DNAH1: variants seen among roughly 807,000 people sequenced by gnomAD.
The protein encoded by DNAH1 is axonemal beta dynein heavy chain 1.
A neutral mutation model predicts 484.3 loss-of-function variants in DNAH1; 327 were observed. The ratio of observed to expected loss-of-function variants is 0.68; its 90% confidence interval spans 0.62 to 0.74. The LOEUF is 0.74. Ranked by LOEUF, DNAH1 falls within the 30% of genes least tolerant of loss-of-function variation. The probability of loss-of-function intolerance (pLI) is 0.00; values close to 1 mark genes in which losing one functional copy is unlikely to be tolerated. For missense variants in DNAH1, 5,052 were observed against 5,546.8 expected, an observed-to-expected ratio of 0.91 and a Z score of 2.83; for synonymous variants, 2,192 against 2,191.9, an observed-to-expected ratio of 1.00 and a Z score of 0.00.
intron 32 of DNAH1, among the ~76,000 whole-genome samples, chr3:52,363,657 T>G (rs1262683357): frequency 6.6e-6 from 1 of 152,172 alleles, no homozygotes; most frequent in Non-Finnish European, 1.5e-5. Context: ...GCCCCCACTT[T>G]GCAGCAGCAG....
rs754187971 is a variant in DNAH1, at chr3:52,378,708, C to T, written c.7305C>T (p.His2435=). 1.2e-6 allele frequency: 2 copies of T among 1,613,882 alleles called. No homozygotes were observed. The highest frequency in any genetic ancestry group is 1.1e-5 in the South Asian group (1 of 91,082). ...SQLLPTPAKS[H]YTFNLRDLSK... Reference sequence around the variant, plus strand: ...TGCTGCCCACTCCAGCCAAGTCCCACTACACCTTCAACCTGAGGGACCTCT... The same window carrying T: ...TGCTGCCCACTCCAGCCAAGTCCCATTACACCTTCAACCTGAGGGACCTCT... Residue 2435 remains histidine (H), a synonymous_variant, in exon 47 of 78, where the codon CAC becomes CAT. Coordinates refer to ENST00000420323, the MANE Select transcript of DNAH1 (RefSeq NM_015512.5).
At chr3:52,386,400 CT>C in intron 55 of DNAH1, 55 bp downstream of exon 55, 1 of 1,495,960 alleles carries the variant, frequency 6.7e-7, no homozygotes, top group Non-Finnish European at 9.0e-7. Context: ...GTCCTCAAGC[CT>C]TCCCTCTGCA....
intron 15 of DNAH1, 133 bp from the exon 16 acceptor site, chr3:52,350,375 C>T: frequency 1.0e-6 from 1 of 981,452 alleles, no homozygotes; most frequent in South Asian, 1.5e-5. Context: ...CCTGGGCCTC[C>T]TCCCCTGGCC....
intron 8 of DNAH1, among the ~76,000 whole-genome samples, chr3:52,340,741 A>G (rs1478913446): frequency 6.6e-6 from 1 of 152,140 alleles, no homozygotes; most frequent in Non-Finnish European, 1.5e-5. Flanking sequence ...GGCCTCTGGT[A>G]GGATTTTAGA....
chr3:52,386,092 C>T (rs1578188453), intron 54 of DNAH1, 68 bp from the exon 55 acceptor site: 2 of 1,509,364 alleles, frequency 1.3e-6, no homozygotes, highest in East Asian at 4.8e-5. Flanking sequence ...ACTCTCCTTC[C>T]ATCTGGGGAG....
chr3:52,372,800 G>C, intron 43 of DNAH1, 96 bp from the exon 44 acceptor site: 1 of 1,493,734 alleles, frequency 6.7e-7, no homozygotes, highest in African/African-American at 1.4e-5. Flanking sequence ...AATTTAGCAA[G>C]GGCTTCCCAG....
chr3:52,395,351 C>T lies in DNAH1; in HGVS notation c.11012C>T (p.Thr3671Ile). The change falls in exon 69 of 78, where the codon ACA becomes ATA. Residue 3671 changes from threonine (T) to isoleucine (I), a missense_variant. Thr to Ile is a moderately conservative substitution (Grantham distance 89). This residue lies in a region of DNAH1 where 853 missense variants were observed against 899.0 expected (regional missense o/e 0.95). Transcript: ENST00000420323. This position sits in a 1 kb window ranked among gnomAD's most constrained non-coding sequence, Gnocchi z 4.4. ...GTGTTCAAAGACTCCAACTCCACCA[C>T]ACCCCTCATCTTTGTGCTGTCACCC... ...SVVFKDSNST[T>I]PLIFVLSPGT... 2 of 1,613,828 alleles carry T rather than the reference C, an allele frequency of 1.2e-6. No individual in the cohort carries two copies. Among genetic ancestry groups the T allele is most frequent in the Admixed American group, 1.7e-5 (1 of 60,000 alleles).
In DNAH1 at chr3:52,398,838, C is replaced by G. The variant is rs143138949; in HGVS notation, c.12090-12C>G. 3 of 1,517,884 alleles carry G rather than the reference C, an allele frequency of 2.0e-6. No individual in the cohort carries two copies. Among genetic ancestry groups the G allele is most frequent in the East Asian group, 2.3e-5 (1 of 43,260 alleles). The allele number at this position is 1,517,884 out of a possible 1,614,324, so 94.0% of individuals were successfully genotyped here. ...CAGCCCACTACCTATTCTCTTGCCA[C>G]TGGCCTCACAGGTACAATCGGCTGC... On this transcript the variant is annotated splice_polypyrimidine_tract_variant and intron_variant, in intron 75 of 77. Transcript: ENST00000420323.
chr3:52,383,657 C>T (rs1703963377), intron 51 of DNAH1, 63 bp downstream of exon 51: 10 of 1,471,378 alleles, frequency 6.8e-6, no homozygotes, highest in Non-Finnish European at 9.0e-6. Context: ...ATGGGCTGGC[C>T]CCGGGGACAC....
Position 52,370,125 on chromosome 3 carries a change from G to A in DNAH1, c.6154G>A (p.Val2052Ile), listed in dbSNP as rs745938182. The A allele has an allele frequency of 2.2e-5, 36 of 1,613,850 alleles. No individual in the cohort carries two copies. In the East Asian group the frequency reaches 4.5e-4, roughly 20 times the overall value. ...CTCCCTGCAGGAATCCATCTCCTTC[G>A]TTCGGTCCTCAGTGAAGGAGGTGAT... Reference protein sequence around the residue: ...VSFLEESISFVRSSVKEVIAS... With the variant: ...VSFLEESISFIRSSVKEVIAS... The change falls in exon 39 of 78, where the codon GTT becomes ATT. Residue 2052 changes from valine (V) to isoleucine (I), a missense_variant. This residue lies in a region of DNAH1 where 2,929 missense variants were observed against 3,409.4 expected (regional missense o/e 0.86). Coordinates refer to ENST00000420323, the MANE Select transcript of DNAH1 (RefSeq NM_015512.5).
At chr3:52,384,561 T>C (rs972844548) in intron 52 of DNAH1, among the ~76,000 whole-genome samples, 2 of 152,212 alleles carry the variant, frequency 1.3e-5, no homozygotes, top group African/African-American at 4.8e-5. Context: ...TTGACAGCTA[T>C]GTGAACTTGA....
rs1236172858 is a variant in DNAH1 at position 52,361,825 on chromosome 3, G to GCTCC, written c.4980+61_4980+64dup. 1 of 1,511,498 alleles carries GCTCC rather than the reference G, an allele frequency of 6.6e-7. No individual in the cohort carries two copies. The highest frequency in any genetic ancestry group is 2.5e-5 in the East Asian group (1 of 40,600). The allele number at this position is 1,511,498 out of a possible 1,614,324, so 93.6% of individuals were successfully genotyped here. On this transcript the variant is annotated intron_variant, in intron 30 of 77. Coordinates refer to ENST00000420323, the MANE Select transcript of DNAH1 (RefSeq NM_015512.5). The surrounding 1 kb of genome is among the most constrained non-coding windows in gnomAD (Gnocchi z 5.6). ...TCTGCCATACTCACGCCGCCATACT[G>GCTCC]CTCCCCATTGCAGGCTGAGAAGCCA...
At chr3:52,376,807 T>C (rs1017096075) in intron 46 of DNAH1, among the ~76,000 whole-genome samples, 1 of 151,838 alleles carries the variant, frequency 6.6e-6, no homozygotes, top group Admixed American at 6.6e-5. Context: ...CCTCCCACTT[T>C]CCTGTGAATG....
rs1380897896 is a variant in DNAH1 at position 52,388,400 on chromosome 3, G to A, written c.9172-18G>A. On this transcript the variant is annotated intron_variant, in intron 57 of 77. Transcript: ENST00000420323. ...CGGGGGTACTTGGCGAGCTAATCCT[G>A]CGCCCTCCGCCCCACAGCAAGCCCT... is the stretch of plus-strand genomic sequence containing the variant. The A allele has an allele frequency of 6.2e-7, 1 of 1,606,330 alleles. No homozygotes were observed. Among genetic ancestry groups the A allele is most frequent in the East Asian group, 2.2e-5 (1 of 44,570 alleles).
rs1546737 is a variant in DNAH1 at position 52,373,025 on chromosome 3, C to T, written c.6957C>T (p.His2319=). Residue 2319 remains histidine, a synonymous_variant, in exon 44 of 78, where the codon CAC becomes CAT. Coordinates refer to ENST00000420323, the MANE Select transcript of DNAH1 (RefSeq NM_015512.5). ...AGCTGTTGCGCCAGTGGATGGACCACGGCGGCTGGTACGACCGCAAGATCA... is the reference window on the plus strand; with the variant it reads ...AGCTGTTGCGCCAGTGGATGGACCATGGCGGCTGGTACGACCGCAAGATCA... ...PIELLRQWMD[H]GGWYDRKIIG... The T allele has an allele frequency of 0.3, 482,014 of 1,612,634 alleles. 75,624 individuals are homozygous for T. The highest frequency in any genetic ancestry group is 0.32 in the Middle Eastern group (1,925 of 6,056).
chr3:52,396,982 CCT>C lies in DNAH1; in HGVS notation c.11726_11727del (p.Pro3909ArgfsTer33), dbSNP rs779490893. The C allele has an allele frequency of 2.5e-5, 41 of 1,612,970 alleles. No individual in the cohort carries two copies. The East Asian group carries it at 8.0e-4, about 32-fold the overall frequency. ...EDFYNPDVLS[P>X]EHSYSASGIY... The stretch of plus-strand genomic sequence containing the variant: ...CTTCTACAACCCTGACGTGCTCTCC[CCT>C]GAGCACAGCTACAGCGCCTCGGGCA... On this transcript the variant is annotated frameshift_variant, in exon 73 of 78. Coordinates refer to ENST00000420323, the MANE Select transcript of DNAH1 (RefSeq NM_015512.5). LOFTEE classifies it high-confidence loss of function.
At chr3:52,314,521 G>T (rs1250295035), upstream of DNAH1, among the ~76,000 whole-genome samples, 1 of 152,198 alleles carries the variant, frequency 6.6e-6, no homozygotes, top group Non-Finnish European at 1.5e-5. Flanking sequence ...GATGTGGGTT[G>T]CTCTATCTTC....
chr3:52,397,075 G>A (rs766060688), intron 73 of DNAH1, 31 bp downstream of exon 73: 1 of 1,552,520 alleles, frequency 6.4e-7, no homozygotes, highest in South Asian at 1.2e-5. Context: ...TGCACAGGAG[G>A]GGCCTGCCAG....
In DNAH1 at chr3:52,399,584, C is replaced by G. The variant is rs200858839; in HGVS notation, c.12481C>G (p.Gln4161Glu). ...EAPSELTQRP[Q>E]VGCYIHGLFL... ...ACCATCAGAGTTAACACAAAGACCC[C>G]AAGTAGGGTGCTATATCCATGGATT... Residue 4161 changes from glutamine to glutamate, a missense_variant, in exon 77 of 78, where the codon CAA (glutamine) becomes GAA (glutamate). Coordinates refer to ENST00000420323, the MANE Select transcript of DNAH1 (RefSeq NM_015512.5). 9.2e-5 allele frequency: 148 copies of G among 1,613,736 alleles called. No homozygotes were observed. The African/African-American group carries it at 1.9e-3, about 20-fold the overall frequency.
Sources: allele counts gnomAD v4.1 joint callset (sites outside exome capture counted in the v4.1 genomes callset), GRCh38; gene constraint gnomAD v4.1.1; regional missense constraint gnomAD v4.1.1; non-coding constraint Gnocchi (gnomAD v3.1); transcripts MANE v1.5; gene names NCBI Gene and HGNC (gene_info 2026-07-23, HGNC 2026-07-21).